EIF3L: variants seen among roughly 807,000 people sequenced by gnomAD.
The protein encoded by EIF3L is eukaryotic translation initiation factor 3 subunit L, also known as eIEF associated protein HSPC021.
EIF3L carries 32 observed loss-of-function variants against 74.6 expected under a neutral mutation model. The observed-to-expected ratio is 0.43, with a 90% CI of 0.32 to 0.58. The LOEUF is 0.58. Among genes scored for constraint, EIF3L ranks in the 20% least tolerant of loss-of-function variants. The pLI is 0.06. For missense variants in EIF3L, 474 were observed against 707.8 expected (o/e 0.67, Z 3.75); for synonymous variants, 256 against 254.4 (o/e 1.01, Z -0.06).
intron 7 of EIF3L, among the ~76,000 whole-genome samples, chr22:37,866,834 T>G (rs1262980281): frequency 6.6e-6 from 1 of 150,950 alleles, no homozygotes; most frequent in Non-Finnish European, 1.5e-5. Flanking sequence ...TGCCCAGCCA[T>G]GAGGTGTAGT....
intron 7 of EIF3L, among the ~76,000 whole-genome samples, chr22:37,866,265 T>C (rs1427698364): frequency 6.6e-6 from 1 of 152,206 alleles, no homozygotes; most frequent in Non-Finnish European, 1.5e-5. Context: ...TTCATAGACC[T>C]GACTTGCTCT....
At chr22:37,856,225 C>T (rs1440859195) in intron 4 of EIF3L, among the ~76,000 whole-genome samples, 3 of 151,850 alleles carry the variant, frequency 2.0e-5, no homozygotes, top group Non-Finnish European at 2.9e-5. Flanking sequence ...TACAGGCGCC[C>T]GCCACCACGC....
rs75863124 is a variant in EIF3L at position 37,872,623 on chromosome 22, T to G, written c.752-1747T>G. ...TTCCATTTTTGCTTAATAGCTTGAA[T>G]TTTTATTTATTTTGAGATGGGGTCT... On this transcript the variant is annotated intron_variant, in intron 8 of 12. Transcript: ENST00000652021. 6.9e-3 allele frequency among the ~76,000 whole-genome samples: 1,058 copies of G among 152,246 alleles called. 10 individuals carry two copies. Among genetic ancestry groups the G allele is most frequent in the African/African-American group, 0.025 (1,019 of 41,530 alleles).
chr22:37,867,942 G>A (rs1270428220), intron 7 of EIF3L, among the ~76,000 whole-genome samples: 6 of 134,168 alleles, frequency 4.5e-5, no homozygotes, highest in Middle Eastern at 4.8e-3. Context: ...GAGACAGAGC[G>A]AGACTCCATC....
At chr22:37,851,586 TC>T in intron 3 of EIF3L, 96 bp downstream of exon 3, 2 of 208,920 alleles carry the variant, frequency 9.6e-6, no homozygotes, top group Non-Finnish European at 2.0e-5. Context: ...AACAGTACTT[TC>T]GGGGGGGTTG....
intron 5 of EIF3L, among the ~76,000 whole-genome samples, chr22:37,861,088 A>G (rs962870622): frequency 9.9e-5 from 15 of 152,274 alleles, no homozygotes; most frequent in Non-Finnish European, 2.2e-4. Flanking sequence ...TGTCTTGTTC[A>G]CCAATATAAT....
chr22:37,873,573 G>A (rs1043721367), intron 8 of EIF3L, among the ~76,000 whole-genome samples: 8 of 152,032 alleles, frequency 5.3e-5, no homozygotes, highest in African/African-American at 1.4e-4. Context: ...GATTACAGGC[G>A]TGAGCCACCG....
intron 7 of EIF3L, among the ~76,000 whole-genome samples, chr22:37,864,400 A>G (rs1240625196): frequency 3.9e-5 from 6 of 152,094 alleles, no homozygotes. Context: ...ACAATAGAAC[A>G]TTTTCATCAC....
At chr22:37,866,722 G>GT (rs1476187603) in intron 7 of EIF3L, among the ~76,000 whole-genome samples, 3 of 152,086 alleles carry the variant, frequency 2.0e-5, no homozygotes, top group African/African-American at 7.2e-5. Context: ...GGAGGTGGAG[G>GT]TTGCAGTGAG....
Position 37,849,422 on chromosome 22 carries a change from T to A in EIF3L, c.-28T>A. On this transcript the variant is annotated 5_prime_UTR_variant, in exon 1 of 13. Transcript: ENST00000652021. ...GGCGCGGGCCGCTCATTTCGCTCTT[T>A]CCGGCGGTGCTCGCAAGCGAGGCAG... The A allele has an allele frequency of 1.2e-6, 2 of 1,614,000 alleles. No homozygotes were observed. The highest frequency in any genetic ancestry group is 1.7e-4 in the Middle Eastern group (1 of 6,060).
chr22:37,878,636 T>C (rs1926885084), intron 11 of EIF3L: 2 of 155,018 alleles, frequency 1.3e-5, no homozygotes, highest in South Asian at 3.9e-4. Context: ...GCTAATTTTG[T>C]ATTTTTCGTA....
intron 7 of EIF3L, among the ~76,000 whole-genome samples, chr22:37,863,994 G>C (rs1271218097): frequency 6.6e-6 from 1 of 152,072 alleles, no homozygotes; most frequent in African/African-American, 2.4e-5. Flanking sequence ...GAACCTAGGA[G>C]GCGGAGCTTG....
chr22:37,862,943 C>T, intron 5 of EIF3L, 26 bp from the exon 6 acceptor site: 1 of 1,557,620 alleles, frequency 6.4e-7, no homozygotes, highest in Non-Finnish European at 8.8e-7. Flanking sequence ...ATATCTGTAT[C>T]TTGATATCTC....
At chr22:37,850,446 CTT>C in intron 2 of EIF3L, 1 of 224,640 alleles carries the variant, frequency 4.5e-6, no homozygotes, top group South Asian at 4.5e-5. Context: ...CAGTAGTTCT[CTT>C]GTCTCAGCCT....
chr22:37,855,745 T>G (rs1315290464), intron 4 of EIF3L, 101 bp downstream of exon 4: 1 of 1,034,762 alleles, frequency 9.7e-7, no homozygotes, highest in Non-Finnish European at 1.4e-6. Flanking sequence ...TGCTCACCAT[T>G]TTGTTTCCTT....
At position 37,874,351 on chromosome 22, in the gene EIF3L, C is replaced by T. The variant is rs1444446184; in HGVS notation, c.752-19C>T. 2.7e-5 allele frequency: 44 copies of T among 1,610,830 alleles called. No homozygotes were observed. In the Admixed American group the frequency reaches 4.4e-4, roughly 16 times the overall value. ...TTTACCTGCCTCCTATCAGTATTCA[C>T]GGTGTCTGTCTCTTTCAGGTGACCC... On this transcript the variant is annotated intron_variant, in intron 8 of 12. Coordinates refer to ENST00000652021, the MANE Select transcript of EIF3L (RefSeq NM_016091.4).
At position 37,888,395 on chromosome 22, in the gene EIF3L, G is replaced by T. The variant is rs375161807; in HGVS notation, c.1657-31G>T. ...TAGGAAAGGGGTTGGGGAAATCCCC[G>T]TATGTAACTTTGCTTTTCTTTCTCT... On this transcript the variant is annotated intron_variant, in intron 12 of 12. Transcript: ENST00000652021. The T allele has an allele frequency of 1.9e-6, 3 of 1,613,020 alleles. No homozygotes were observed. The African/African-American group carries it at 4.0e-5, about 22-fold the overall frequency.
chr22:37,887,054 G>A (rs1239311972), intron 12 of EIF3L: 5 of 378,552 alleles, frequency 1.3e-5, no homozygotes, highest in Admixed American at 3.5e-5. Context: ...TCAGCCTCCC[G>A]CATAGCTGGA....
chr22:37,850,421 C>T (rs1007656778), intron 2 of EIF3L: 2 of 236,898 alleles, frequency 8.4e-6, no homozygotes, highest in Non-Finnish European at 1.7e-5. Context: ...GCAACCTCCG[C>T]GTCCCTCGTT....
Sources: allele counts gnomAD v4.1 joint callset (sites outside exome capture counted in the v4.1 genomes callset), GRCh38; gene constraint gnomAD v4.1.1; transcripts MANE v1.5; gene names NCBI Gene and HGNC (gene_info 2026-07-23, HGNC 2026-07-21).